Variants in CADPS observed in about 807,000 individuals in gnomAD.
The protein encoded by CADPS is calcium dependent secretion activator.
In CADPS, 57 loss-of-function variants were observed where a neutral mutation model predicts 167.3. That is an observed-to-expected ratio of 0.34 (90% CI 0.28 to 0.42). The LOEUF is 0.42. Ranked by LOEUF, CADPS falls within the 20% of genes least tolerant of loss-of-function variation. The pLI is 1.00. For synonymous variants in CADPS, 676 were observed against 635.3 expected, an observed-to-expected ratio of 1.06 and a Z score of -0.96; for missense variants, 1,414 against 1,738.1, an observed-to-expected ratio of 0.81 and a Z score of 3.32.
At chr3:62,538,861 C>T (rs76405224) in intron 11 of CADPS, among the ~76,000 whole-genome samples, 7,115 of 152,180 alleles carry the variant, frequency 0.047, 203 homozygotes, top group South Asian at 0.07. Context: ...TCTGAAAAGG[C>T]GACTTGGCTC....
intron 3 of CADPS, among the ~76,000 whole-genome samples, chr3:62,681,833 T>C (rs573238944): frequency 6.6e-6 from 1 of 152,036 alleles, no homozygotes; most frequent in East Asian, 1.9e-4. Flanking sequence ...TTATTCTACA[T>C]TTCATTTCAG....
At chr3:62,545,742 C>T (rs1247940100) in intron 11 of CADPS, among the ~76,000 whole-genome samples, 1 of 152,064 alleles carries the variant, frequency 6.6e-6, no homozygotes, top group African/African-American at 2.4e-5. Context: ...TTTAGAAAGA[C>T]CCAAATAAAC....
chr3:62,617,876 C>G (rs773270068), intron 6 of CADPS, among the ~76,000 whole-genome samples: 12 of 152,086 alleles, frequency 7.9e-5, no homozygotes, highest in Non-Finnish European at 1.6e-4. Flanking sequence ...TCGTGAACAT[C>G]TGTTGTTTTT....
At chr3:62,405,571 G>C (rs1479017071) in intron 28 of CADPS, among the ~76,000 whole-genome samples, 1 of 152,008 alleles carries the variant, frequency 6.6e-6, no homozygotes, top group Non-Finnish European at 1.5e-5. Flanking sequence ...AAAGGTAGGA[G>C]ACTATCAACA....
chr3:62,611,423 C>T (rs929048727), intron 6 of CADPS, among the ~76,000 whole-genome samples: 2 of 152,188 alleles, frequency 1.3e-5, no homozygotes, highest in Non-Finnish European at 2.9e-5. Flanking sequence ...ATTGCAATGG[C>T]CTTCTAACTT....
intron 3 of CADPS, among the ~76,000 whole-genome samples, chr3:62,706,213 G>A (rs941898495): frequency 9.9e-5 from 15 of 152,078 alleles, no homozygotes; most frequent in South Asian, 2.1e-4. Flanking sequence ...CTCTAATGAA[G>A]CCTACCATGA....
chr3:62,711,134 C>T (rs750436464), intron 3 of CADPS, among the ~76,000 whole-genome samples: 1 of 152,134 alleles, frequency 6.6e-6, no homozygotes, highest in Admixed American at 6.5e-5. Context: ...TTTTAAAATG[C>T]ATAAAATATA....
chr3:62,644,185 T>C lies in CADPS; in HGVS notation c.1325+1537A>G, dbSNP rs376228116. Among the ~76,000 whole-genome samples the C allele has an allele frequency of 5.9e-5, 9 of 152,230 alleles. No individual in the cohort carries two copies. In the East Asian group the frequency reaches 1.7e-3, roughly 29 times the overall value. ...TGAACATCCTGGCAAATTATTCATG[T>C]TCTGCCAAACAGCTCATAATGCTCT... On this transcript the variant is annotated intron_variant, in intron 6 of 29. Transcript: ENST00000383710.
At chr3:62,510,191 C>CATCT (rs57153814) in intron 17 of CADPS, among the ~76,000 whole-genome samples, 6,875 of 148,302 alleles carry the variant, frequency 0.046, 170 homozygotes, top group East Asian at 0.084. Context: ...CCTATTTCTG[C>CATCT]ATCTATCTAT....
intron 9 of CADPS, among the ~76,000 whole-genome samples, chr3:62,558,497 G>T (rs1373483437): frequency 6.6e-6 from 1 of 152,248 alleles, no homozygotes; most frequent in Non-Finnish European, 1.5e-5. Flanking sequence ...GAGAAGGAGT[G>T]CCACATCCCT....
intron 6 of CADPS, among the ~76,000 whole-genome samples, chr3:62,609,657 G>A (rs1311114229): frequency 6.6e-6 from 1 of 152,170 alleles, no homozygotes; most frequent in African/African-American, 2.4e-5. Flanking sequence ...CTACCTCATG[G>A]TTGTTAGTAA....
chr3:62,516,270 T>C, intron 15 of CADPS, 88 bp from the exon 16 acceptor site: 1 of 1,509,878 alleles, frequency 6.6e-7, no homozygotes, highest in Non-Finnish European at 9.1e-7. Context: ...AAGTTTAAAA[T>C]CAGTTCTTTG....
At chr3:62,870,646 T>C (rs1336567991) in intron 1 of CADPS, among the ~76,000 whole-genome samples, 1 of 152,170 alleles carries the variant, frequency 6.6e-6, no homozygotes, top group East Asian at 1.9e-4. Flanking sequence ...GATTACCCTT[T>C]TCCCCCATCA....
intron 9 of CADPS, among the ~76,000 whole-genome samples, chr3:62,566,248 C>T (rs555415867): frequency 2.0e-5 from 3 of 152,332 alleles, no homozygotes; most frequent in Non-Finnish European, 2.9e-5. Context: ...AGAACTCTCA[C>T]GCTTCTGCAA....
At chr3:62,575,809 C>T (rs555500646) in intron 8 of CADPS, among the ~76,000 whole-genome samples, 3 of 152,288 alleles carry the variant, frequency 2.0e-5, no homozygotes, top group South Asian at 2.1e-4. Flanking sequence ...TAAAGGCTTC[C>T]GAATGGGAAA....
chr3:62,599,003 G>T (rs2059308454), intron 6 of CADPS, among the ~76,000 whole-genome samples: 1 of 152,096 alleles, frequency 6.6e-6, no homozygotes. Flanking sequence ...GCCTTTTGGT[G>T]GGGCCACACA....
intron 3 of CADPS, among the ~76,000 whole-genome samples, chr3:62,732,721 G>A (rs924905548): frequency 1.3e-5 from 2 of 152,324 alleles, no homozygotes; most frequent in Admixed American, 6.5e-5. Flanking sequence ...TAAACTCATA[G>A]AGGGAATGCT....
At chr3:62,414,441 T>C (rs2049615908) in intron 28 of CADPS, among the ~76,000 whole-genome samples, 1 of 152,202 alleles carries the variant, frequency 6.6e-6, no homozygotes, top group South Asian at 2.1e-4. Flanking sequence ...AGGCAAAGCT[T>C]TTGCCCTTTG....
chr3:62,652,998 T>C (rs1419759040), intron 4 of CADPS, among the ~76,000 whole-genome samples: 2 of 152,178 alleles, frequency 1.3e-5, no homozygotes, highest in Non-Finnish European at 2.9e-5. Flanking sequence ...CCTTCCTACA[T>C]GAAGGCTGTC....
Sources: allele counts gnomAD v4.1 joint callset (sites outside exome capture counted in the v4.1 genomes callset), GRCh38; gene constraint gnomAD v4.1.1; transcripts MANE v1.5; gene names NCBI Gene and HGNC (gene_info 2026-07-23, HGNC 2026-07-21).